UBE2E2: variants seen among roughly 807,000 people sequenced by gnomAD.
UBE2E2 encodes the protein ubiquitin-conjugating enzyme E2 E2.
In UBE2E2, 6 loss-of-function variants were observed where a neutral mutation model predicts 24.7. That is an observed-to-expected ratio of 0.24 (90% CI 0.13 to 0.48). The LOEUF (loss-of-function observed/expected upper bound fraction) is 0.48. Ranked by LOEUF, UBE2E2 falls within the 20% of genes least tolerant of loss-of-function variation. The pLI is 0.99. For synonymous variants in UBE2E2, 104 were observed against 83.6 expected (o/e 1.24, Z -1.33); for missense variants, 169 against 245.0 (o/e 0.69, Z 2.07).
At chr3:23,502,390 TG>T (rs1415937860) in intron 4 of UBE2E2, among the ~76,000 whole-genome samples, 1 of 152,194 alleles carries the variant, frequency 6.6e-6, no homozygotes, top group Non-Finnish European at 1.5e-5. Context: ...TGGTTATTTG[TG>T]TGGATATACA....
At chr3:23,532,023 C>G (rs1248089539) in intron 4 of UBE2E2, among the ~76,000 whole-genome samples, 2 of 148,944 alleles carry the variant, frequency 1.3e-5, no homozygotes, top group African/African-American at 2.5e-5. Flanking sequence ...GATCACGCCA[C>G]TGCACTCCAG....
chr3:23,344,721 C>A (rs1238013095), intron 3 of UBE2E2, among the ~76,000 whole-genome samples: 1 of 151,420 alleles, frequency 6.6e-6, no homozygotes, highest in African/African-American at 2.4e-5. Flanking sequence ...TATACACATA[C>A]ACACACTAAG....
chr3:23,334,157 T>C (rs577431110), intron 3 of UBE2E2, among the ~76,000 whole-genome samples: 2 of 152,322 alleles, frequency 1.3e-5, no homozygotes, highest in South Asian at 4.1e-4. Context: ...GCAAAAGTAA[T>C]TGTGGTTTTT....
chr3:23,249,532 G>A lies in UBE2E2; in HGVS notation c.227+32220G>A, dbSNP rs144489951. Reference sequence around the variant, plus strand: ...ATTGGGAAGCAAAGAGATTGATTCAGGATAAACGTAGTTAAATTAGCCAAG... The same window carrying A: ...ATTGGGAAGCAAAGAGATTGATTCAAGATAAACGTAGTTAAATTAGCCAAG... On this transcript the variant is annotated intron_variant, in intron 3 of 5. Transcript: ENST00000396703. Among the ~76,000 whole-genome samples, 30 of 152,190 alleles carry A rather than the reference G, an allele frequency of 2.0e-4. No homozygotes were observed. The East Asian group carries it at 5.4e-3, about 27-fold the overall frequency.
intron 3 of UBE2E2, among the ~76,000 whole-genome samples, chr3:23,427,307 G>T (rs1022409657): frequency 6.6e-6 from 1 of 151,294 alleles, no homozygotes; most frequent in Non-Finnish European, 1.5e-5. Flanking sequence ...GTATGTGCCT[G>T]TAGTTCCAGC....
chr3:23,275,497 C>T (rs1274359773), intron 3 of UBE2E2, among the ~76,000 whole-genome samples: 1 of 152,090 alleles, frequency 6.6e-6, no homozygotes, highest in East Asian at 1.9e-4. Flanking sequence ...TTAGTCCTTC[C>T]TAAGAGCAAT....
At chr3:23,549,752 A>G (rs559706656) in intron 5 of UBE2E2, among the ~76,000 whole-genome samples, 1 of 152,018 alleles carries the variant, frequency 6.6e-6, no homozygotes, top group African/African-American at 2.4e-5. Flanking sequence ...AGGAATTTCA[A>G]CCGGGCGCGG....
rs59474482 is a variant in UBE2E2, at chr3:23,583,967, TGA to T, written c.509-5761_509-5760del. ...CCAGTGTAATATTGACTAGGAGTAG[TGA>T]GAGAGGGCATCCTTGATTTGTTCTG... is the stretch of plus-strand genomic sequence containing the variant. On this transcript the variant is annotated intron_variant, in intron 5 of 5. Transcript: ENST00000396703. This position sits in a 1 kb window ranked among gnomAD's most constrained non-coding sequence, Gnocchi z 4.1. Among the ~76,000 whole-genome samples, 133 of 152,312 alleles carry T rather than the reference TGA, an allele frequency of 8.7e-4. No individual in the cohort carries two copies. Among genetic ancestry groups the T allele is most frequent in the African/African-American group, 2.9e-3 (121 of 41,580 alleles).
intron 3 of UBE2E2, among the ~76,000 whole-genome samples, chr3:23,248,074 T>G (rs184020760): frequency 1.3e-5 from 2 of 152,372 alleles, no homozygotes; most frequent in African/African-American, 2.4e-5. Flanking sequence ...TCGTCCTCAT[T>G]TTTCACTATT....
intron 3 of UBE2E2, among the ~76,000 whole-genome samples, chr3:23,495,754 G>A (rs560935052): frequency 2.0e-5 from 3 of 152,242 alleles, no homozygotes; most frequent in African/African-American, 7.2e-5. Flanking sequence ...TTGTCATCTG[G>A]GCTGAATATA....
chr3:23,534,116 G>A, intron 5 of UBE2E2: 1 of 877,164 alleles, frequency 1.1e-6, no homozygotes, highest in Non-Finnish European at 1.3e-6. Flanking sequence ...TGGAGGTAAT[G>A]TTGCAAGAAG....
intron 5 of UBE2E2, among the ~76,000 whole-genome samples, chr3:23,573,579 G>T (rs969275714): frequency 6.6e-6 from 1 of 152,134 alleles, no homozygotes; most frequent in Non-Finnish European, 1.5e-5. Flanking sequence ...ATCATAAAAT[G>T]ACCTTCTGAG....
intron 3 of UBE2E2, among the ~76,000 whole-genome samples, chr3:23,476,298 T>C (rs1325910652): frequency 6.6e-6 from 1 of 152,116 alleles, no homozygotes; most frequent in Non-Finnish European, 1.5e-5. Context: ...ACACTGATAG[T>C]GATTCTGTGG....
At chr3:23,553,322 AAT>A (rs1160529627) in intron 5 of UBE2E2, among the ~76,000 whole-genome samples, 1 of 152,174 alleles carries the variant, frequency 6.6e-6, no homozygotes, top group Non-Finnish European at 1.5e-5. Flanking sequence ...TAAAAAAAAA[AAT>A]AATTTCAAAG....
At chr3:23,243,214 T>G (rs1021779940) in intron 3 of UBE2E2, among the ~76,000 whole-genome samples, 4 of 152,214 alleles carry the variant, frequency 2.6e-5, no homozygotes, top group African/African-American at 9.7e-5. Context: ...CCTAGTTTGT[T>G]TTTTTGTTAA....
At chr3:23,209,146 G>T (rs550014586) in intron 2 of UBE2E2, among the ~76,000 whole-genome samples, 104 of 152,112 alleles carry the variant, frequency 6.8e-4, no homozygotes, top group Non-Finnish European at 1.3e-3. Context: ...TACAGGGTGT[G>T]TATGTAAAAT....
chr3:23,436,421 G>A (rs545806584), intron 3 of UBE2E2, among the ~76,000 whole-genome samples: 3 of 152,064 alleles, frequency 2.0e-5, no homozygotes, highest in African/African-American at 4.8e-5. Context: ...TTAGTCCTGC[G>A]TTCTTCAGAA....
chr3:23,541,639 G>A (rs981021379), intron 5 of UBE2E2, among the ~76,000 whole-genome samples: 2 of 152,222 alleles, frequency 1.3e-5, no homozygotes, highest in African/African-American at 4.8e-5. Flanking sequence ...AGGGAAACCT[G>A]TTGCCACATG....
At chr3:23,530,730 C>T (rs1041793029) in intron 4 of UBE2E2, among the ~76,000 whole-genome samples, 4 of 152,130 alleles carry the variant, frequency 2.6e-5, no homozygotes, top group Admixed American at 2.6e-4. Context: ...TTCGAGTTTC[C>T]TAATTGATAT....
Sources: gnomAD v4.1 joint callset for allele counts (sites outside exome capture counted in the v4.1 genomes callset) on GRCh38, gnomAD v4.1.1 for gene constraint, Gnocchi (gnomAD v3.1) non-coding constraint, MANE v1.5 for transcripts, NCBI Gene and HGNC (gene_info 2026-07-23, HGNC 2026-07-21) for gene names.